The following SLC22A13 variants were observed in gnomAD, a reference collection of about 807,000 sequenced individuals.
SLC22A13 encodes organic anion transporter 10.
Under a neutral mutation model 49.1 loss-of-function variants are expected in SLC22A13, and 42 were observed. That is an observed-to-expected ratio of 0.85 (90% CI 0.67 to 1.11). The LOEUF (loss-of-function observed/expected upper bound fraction) is 1.11. Among genes scored for constraint, SLC22A13 ranks in the 50% least tolerant of loss-of-function variants. The pLI, the probability that SLC22A13 is intolerant of heterozygous loss-of-function variation, is 0.00. For synonymous variants in SLC22A13, 282 were observed against 293.1 expected (o/e 0.96, Z 0.39); for missense variants, 694 against 712.8 (o/e 0.97, Z 0.30).
intron 8 of SLC22A13, 34 bp downstream of exon 8, chr3:38,276,429 T>C (rs1244322101): frequency 7.0e-7 from 1 of 1,429,712 alleles, no homozygotes; most frequent in South Asian, 1.2e-5. Context: ...GCTCCTCTGC[T>C]ACTGAGATGC....
In SLC22A13 at chr3:38,278,734, C is replaced by A. The variant is rs183597966; in HGVS notation, c.*1269C>A. 1.1e-3 allele frequency among the ~76,000 whole-genome samples: 171 copies of A among 150,174 alleles called. 1 individual carries two copies. The highest frequency in any genetic ancestry group is 3.2e-3 in the African/African-American group (130 of 40,642). On this transcript the variant is annotated 3_prime_UTR_variant, in exon 10 of 10. Coordinates refer to ENST00000311856, the MANE Select transcript of SLC22A13 (RefSeq NM_004256.4). ...ACTTGGGAGGCTGAGGCAGGAGAAT[C>A]GCTTGAACCTGGGAGGCGGAGTTTG...
chr3:38,268,176 G>T (rs1341427266), intron 1 of SLC22A13, among the ~76,000 whole-genome samples: 1 of 152,150 alleles, frequency 6.6e-6, no homozygotes, highest in Non-Finnish European at 1.5e-5. Flanking sequence ...AAAATAAGCC[G>T]ATAACATCCC....
chr3:38,275,809 G>A, intron 6 of SLC22A13, 73 bp from the exon 7 acceptor site: 1 of 1,522,360 alleles, frequency 6.6e-7, no homozygotes, highest in East Asian at 2.3e-5. Flanking sequence ...TGTGACTGCT[G>A]ACCAAGGCAG....
In SLC22A13 at chr3:38,265,832, C is replaced by T; in HGVS notation, c.-29C>T. ...AAGCTACAGAGCTACCCTAGTGTCC[C>T]CAGGCTGAGGAGGTAGTGACTGGCA... On this transcript the variant is annotated 5_prime_UTR_variant, in exon 1 of 10. Coordinates refer to ENST00000311856, the MANE Select transcript of SLC22A13 (RefSeq NM_004256.4). 6.2e-7 allele frequency: 1 copy of T among 1,608,994 alleles called. No homozygotes were observed. Among genetic ancestry groups the T allele is most frequent in the Non-Finnish European group, 8.5e-7 (1 of 1,176,682 alleles).
chr3:38,277,333 A>G (rs1309822236), intron 9 of SLC22A13, 39 bp from the exon 10 acceptor site: 5 of 1,509,720 alleles, frequency 3.3e-6, no homozygotes, highest in African/African-American at 1.4e-5. Flanking sequence ...CATGGGACCA[A>G]TTCCTGGGCA....
In SLC22A13 at chr3:38,275,076, G is replaced by A; in HGVS notation, c.725G>A (p.Gly242Glu). 3.7e-6 allele frequency: 6 copies of A among 1,614,226 alleles called. No homozygotes were observed. Among genetic ancestry groups the A allele is most frequent in the Non-Finnish European group, 5.1e-6 (6 of 1,180,020 alleles). ...NFSLGQMVLAGLAYGFRNWRL... is the reference protein window; with the variant it reads ...NFSLGQMVLAELAYGFRNWRL... ...TCCCTCGGGCAGATGGTGCTTGCGGGACTCGCCTACGGTTTCCGCAACTGG... is the reference window on the plus strand; with the variant it reads ...TCCCTCGGGCAGATGGTGCTTGCGGAACTCGCCTACGGTTTCCGCAACTGG... Residue 242 changes from glycine to glutamate, a missense_variant, in exon 4 of 10, where the codon GGA becomes GAA. Transcript: ENST00000311856.
At chr3:38,273,229 C>T (rs1267534010) in intron 1 of SLC22A13, among the ~76,000 whole-genome samples, 2 of 152,176 alleles carry the variant, frequency 1.3e-5, no homozygotes, top group Non-Finnish European at 2.9e-5. Context: ...GAGTCAAGTG[C>T]ACATACAATA....
chr3:38,269,710 T>C (rs1228589613), intron 1 of SLC22A13, among the ~76,000 whole-genome samples: 4 of 152,118 alleles, frequency 2.6e-5, no homozygotes, highest in African/African-American at 4.8e-5. Context: ...GCATTCTTTT[T>C]TTATTTTATT....
At chr3:38,271,272 GA>G (rs1360974939) in intron 1 of SLC22A13, among the ~76,000 whole-genome samples, 1 of 151,624 alleles carries the variant, frequency 6.6e-6, no homozygotes, top group Non-Finnish European at 1.5e-5. Context: ...CTTGGTAAAA[GA>G]AAAAAAATGG....
Position 38,277,767 on chromosome 3 carries a change from T to C in SLC22A13, c.*302T>C, listed in dbSNP as rs1703604848. 1 of 258,282 alleles carries C rather than the reference T, an allele frequency of 3.9e-6. No individual in the cohort carries two copies. Among genetic ancestry groups the C allele is most frequent in the Non-Finnish European group, 7.4e-6 (1 of 134,416 alleles). 16.0% of individuals were successfully genotyped at this position (258,282 alleles called of 1,614,324 possible). A position where few individuals can be genotyped will look rare whatever the true frequency, so the allele number is the denominator to read the frequency against. On this transcript the variant is annotated 3_prime_UTR_variant, in exon 10 of 10. Coordinates refer to ENST00000311856, the MANE Select transcript of SLC22A13 (RefSeq NM_004256.4). Reference sequence around the variant, plus strand: ...TTAACTTGTCCTCTAACAATCTTCATGGGGTATGGCTCTCTTGATCTCCTC... The same window carrying C: ...TTAACTTGTCCTCTAACAATCTTCACGGGGTATGGCTCTCTTGATCTCCTC...
intron 1 of SLC22A13, among the ~76,000 whole-genome samples, chr3:38,269,602 A>G (rs1298689996): frequency 6.6e-6 from 1 of 152,116 alleles, no homozygotes; most frequent in East Asian, 1.9e-4. Context: ...TTTTAGTGTG[A>G]TGGCGACAAA....
intron 4 of SLC22A13, 49 bp from the exon 5 acceptor site, chr3:38,275,321 G>A: frequency 6.2e-6 from 10 of 1,609,946 alleles, no homozygotes; most frequent in Non-Finnish European, 7.6e-6. Flanking sequence ...AAGCTGGAAA[G>A]CTCCCTAGGA....
At chr3:38,267,413 C>G (rs1215437265) in intron 1 of SLC22A13, among the ~76,000 whole-genome samples, 1 of 151,432 alleles carries the variant, frequency 6.6e-6, no homozygotes, top group East Asian at 2.0e-4. Flanking sequence ...TTACTGTCCT[C>G]TCCATCATCT....
chr3:38,277,188 A>G, intron 9 of SLC22A13, 61 bp downstream of exon 9: 1 of 1,315,540 alleles, frequency 7.6e-7, no homozygotes, highest in Non-Finnish European at 1.1e-6. Context: ...CGCACTCTAT[A>G]TGCCCAGGCC....
intron 7 of SLC22A13, 70 bp from the exon 8 acceptor site, chr3:38,276,217 G>A: frequency 2.0e-6 from 3 of 1,492,816 alleles, no homozygotes; most frequent in Admixed American, 1.7e-5. Context: ...GGGTACAGAA[G>A]GGGTGGGGAG....
intron 2 of SLC22A13, 88 bp from the exon 3 acceptor site, chr3:38,274,516 C>T (rs1342967784): frequency 7.9e-6 from 12 of 1,512,252 alleles, no homozygotes; most frequent in East Asian, 6.8e-5. Context: ...AGACAGAGAC[C>T]CCAGGACAGG....
intron 3 of SLC22A13, 67 bp downstream of exon 3, chr3:38,274,825 C>T: frequency 6.4e-7 from 1 of 1,561,472 alleles, no homozygotes; most frequent in Non-Finnish European, 8.7e-7. Flanking sequence ...GGGCCACAGC[C>T]CCAAACGGCC....
At chr3:38,277,247 T>C in intron 9 of SLC22A13, 120 bp downstream of exon 9, 1 of 1,109,660 alleles carries the variant, frequency 9.0e-7, no homozygotes, top group Non-Finnish European at 1.3e-6. Context: ...TATGGGGTCC[T>C]CCAGAACCAC....
chr3:38,266,838 A>C (rs1194817568), intron 1 of SLC22A13, among the ~76,000 whole-genome samples: 2 of 152,170 alleles, frequency 1.3e-5, no homozygotes, highest in East Asian at 3.8e-4. Context: ...TTTAGGAGAG[A>C]TGCAGGCAGA....
Sources: allele counts gnomAD v4.1 joint callset (sites outside exome capture counted in the v4.1 genomes callset), GRCh38; gene constraint gnomAD v4.1.1; transcripts MANE v1.5; gene names NCBI Gene and HGNC (gene_info 2026-07-23, HGNC 2026-07-21).